The following DST variants were observed in gnomAD, a reference collection of about 807,000 sequenced individuals.
DST encodes dystonin, also known as bullous pemphigoid antigen.
In DST, 253 loss-of-function variants were observed where a neutral mutation model predicts 875.2. The observed-to-expected ratio is 0.29, with a 90% CI of 0.26 to 0.32. The LOEUF (loss-of-function observed/expected upper bound fraction) is 0.32, where lower values mean the gene tolerates loss of function less well. DST is among the 10% of genes least tolerant of loss of function. The pLI, the probability that DST is intolerant of heterozygous loss-of-function variation, is 1.00. For missense variants in DST, 8,287 were observed against 9,111.6 expected, an observed-to-expected ratio of 0.91 and a Z score of 3.68; for synonymous variants, 3,124 against 3,197.1, an observed-to-expected ratio of 0.98 and a Z score of 0.77.
In DST at chr6:56,809,174, T is replaced by C. The variant is rs2099756847; in HGVS notation, c.625+42223A>G. Among the ~76,000 whole-genome samples the C allele has an allele frequency of 3.9e-5, 6 of 152,172 alleles. 1 individual carries two copies. The highest frequency in any genetic ancestry group is 3.3e-4 in the Admixed American group (5 of 15,272). On this transcript the variant is annotated intron_variant, in intron 4 of 103. Coordinates refer to ENST00000680361, the MANE Select transcript of DST (RefSeq NM_001374736.1). ...CCCTGTGATCTGCTTCTTGGTGCTCTCCCTTAAGCCTCCAAGATACTACCG... is the reference window on the plus strand; with the variant it reads ...CCCTGTGATCTGCTTCTTGGTGCTCCCCCTTAAGCCTCCAAGATACTACCG...
At position 56,497,988 on chromosome 6, in the gene DST, A is replaced by T. The variant is rs779624477; in HGVS notation, c.19962T>A (p.Asp6654Glu). The T allele has an allele frequency of 1.2e-6, 2 of 1,613,430 alleles. No individual in the cohort carries two copies. The highest frequency in any genetic ancestry group is 1.7e-6 in the Non-Finnish European group (2 of 1,179,584). The change falls in exon 81 of 104, where the codon GAT becomes GAA. Residue 6654 changes from aspartate to glutamate, a missense_variant. Transcript: ENST00000680361. The stretch of plus-strand genomic sequence containing the variant: ...CTTCTCCTGCACTTGATTCAATTAG[A>T]TCATTTCCTGCTTTATTAACGGCTT... Reference protein sequence around the residue: ...TVEAVNKAGNDLIESSAGEEA... With the variant: ...TVEAVNKAGNELIESSAGEEA...
intron 90 of DST, among the ~76,000 whole-genome samples, chr6:56,481,658 C>T (rs1291637093): frequency 2.0e-5 from 3 of 152,146 alleles, no homozygotes; most frequent in Non-Finnish European, 4.4e-5. Flanking sequence ...TACTAATTTA[C>T]AATCCTACGG....
At chr6:56,668,184 T>C (rs979296307) in intron 10 of DST, among the ~76,000 whole-genome samples, 2 of 152,204 alleles carry the variant, frequency 1.3e-5, no homozygotes, top group African/African-American at 4.8e-5. Context: ...CCACAAAGAT[T>C]CTATCATTCC....
chr6:56,813,128 T>A (rs1338642501), intron 4 of DST, among the ~76,000 whole-genome samples: 1 of 149,476 alleles, frequency 6.7e-6, no homozygotes, highest in South Asian at 2.1e-4. Flanking sequence ...GTAAACTATC[T>A]CAAGAACAAA....
chr6:56,601,673 C>A lies in DST; in HGVS notation c.11311G>T (p.Val3771Leu), dbSNP rs1379877040. ...TTGGTATGTCCAAGGTCTTTTAATA[C>A]ATTCTGTTAAAAAAGTAGTACAAGC... ...VKKRLEFLKN[V>L]LKDLGHTKMQ... is the part of the protein sequence containing the mutation. The change falls in exon 44 of 104, where the codon GTA (valine) becomes TTA (leucine). Residue 3771 changes from valine to leucine, a missense_variant. Physicochemically the swap from Val to Leu is conservative, Grantham distance 32. This residue lies in a region of DST where 3,138 missense variants were observed against 3,116.6 expected (regional missense o/e 1.01). Coordinates refer to ENST00000680361, the MANE Select transcript of DST (RefSeq NM_001374736.1). 1.3e-6 allele frequency: 2 copies of A among 1,554,820 alleles called. No individual in the cohort carries two copies. The highest frequency in any genetic ancestry group is 3.8e-5 in the Admixed American group (2 of 52,240).
At chr6:56,463,914 T>G in intron 100 of DST, 150 bp from the exon 101 acceptor site, 3 of 840,312 alleles carry the variant, frequency 3.6e-6, no homozygotes, top group Non-Finnish European at 6.1e-6. Context: ...CAACTCAGCA[T>G]AACAAAAAGT....
At chr6:56,636,314 G>GTGTGTATATA (rs1383606604) in intron 23 of DST, among the ~76,000 whole-genome samples, 8 of 149,056 alleles carry the variant, frequency 5.4e-5, no homozygotes, top group African/African-American at 2.0e-4. Flanking sequence ...ATATAACAGT[G>GTGTGTATATA]TGTGTATATA....
intron 36 of DST, among the ~76,000 whole-genome samples, chr6:56,621,313 A>T (rs1014777684): frequency 2.6e-5 from 4 of 152,230 alleles, no homozygotes; most frequent in Non-Finnish European, 5.9e-5. Flanking sequence ...AAGAAGGAAA[A>T]TTATACAAAA....
At chr6:56,930,539 T>C (rs1463041803) in intron 2 of DST, among the ~76,000 whole-genome samples, 3 of 152,228 alleles carry the variant, frequency 2.0e-5, no homozygotes, top group Non-Finnish European at 4.4e-5. Flanking sequence ...ATTTCCAGAA[T>C]TCCATACAGT....
Position 56,578,031 on chromosome 6 carries a change from A to G in DST, c.13027+783T>C, listed in dbSNP as rs575385788. On this transcript the variant is annotated intron_variant, in intron 50 of 103. Coordinates refer to ENST00000680361, the MANE Select transcript of DST (RefSeq NM_001374736.1). Reference sequence around the variant, plus strand: ...AAGTCTTCCCACTTCTCTGTGTTCTAGAAGTTTTTTAGTGGCCTCACTCAA... The same window carrying G: ...AAGTCTTCCCACTTCTCTGTGTTCTGGAAGTTTTTTAGTGGCCTCACTCAA... Among the ~76,000 whole-genome samples the G allele has an allele frequency of 3.3e-5, 5 of 152,196 alleles. No homozygotes were observed. In the South Asian group the frequency reaches 8.3e-4, roughly 25 times the overall value.
At chr6:56,598,789 AGAGT>A (rs1470234535) in intron 45 of DST, 80 bp from the exon 46 acceptor site, 6 of 814,060 alleles carry the variant, frequency 7.4e-6, no homozygotes, top group African/African-American at 5.2e-5. Flanking sequence ...TCTAAAAGAC[AGAGT>A]GAGTACAGAG....
At chr6:56,535,402 T>A in intron 62 of DST, 110 bp from the exon 63 acceptor site, 1 of 1,304,680 alleles carries the variant, frequency 7.7e-7, no homozygotes, top group Non-Finnish European at 1.0e-6. Flanking sequence ...ACAAATTTTC[T>A]TTTACTTTTC....
chr6:56,716,862 A>G (rs2099396242), intron 5 of DST, among the ~76,000 whole-genome samples: 1 of 152,114 alleles, frequency 6.6e-6, no homozygotes, highest in Admixed American at 6.5e-5. Context: ...TTCACCTCAG[A>G]TCATCAGGTG....
At chr6:56,880,291 C>T (rs1345447034) in intron 3 of DST, among the ~76,000 whole-genome samples, 1 of 152,186 alleles carries the variant, frequency 6.6e-6, no homozygotes, top group East Asian at 1.9e-4. Flanking sequence ...AGTCTCTTTC[C>T]TCTAAAATGA....
At position 56,603,172 on chromosome 6, in the gene DST, T is replaced by C. The variant is rs148318668; in HGVS notation, c.11157+33A>G. On this transcript the variant is annotated intron_variant, in intron 42 of 103. Coordinates refer to ENST00000680361, the MANE Select transcript of DST (RefSeq NM_001374736.1). Reference sequence around the variant, plus strand: ...AAATCCTCAAATAATAAAATTTTCTTCATAAATCAAAATTTTGACATTTTA... The same window carrying C: ...AAATCCTCAAATAATAAAATTTTCTCCATAAATCAAAATTTTGACATTTTA... 4 of 1,564,474 alleles carry C rather than the reference T, an allele frequency of 2.6e-6. No homozygotes were observed. The African/African-American group carries it at 4.1e-5, about 16-fold the overall frequency.
At chr6:56,635,487 GA>G in intron 24 of DST, 101 bp downstream of exon 24, 1 of 1,180,162 alleles carries the variant, frequency 8.5e-7, no homozygotes, top group Non-Finnish European at 1.2e-6. Flanking sequence ...GAATTAGTGG[GA>G]AATATCAAGA....
Position 56,498,043 on chromosome 6 carries a change from T to A in DST, c.19907A>T (p.Asn6636Ile). 1 of 1,611,396 alleles carries A rather than the reference T, an allele frequency of 6.2e-7. No homozygotes were observed. The highest frequency in any genetic ancestry group is 1.3e-5 in the African/African-American group (1 of 74,956). ...TGTGGACTGATGGGCTAATACATCA[T>A]TTTGGAGCACCTGAAAATATAAAGA... ...IELAKHHVLQ[N>I]DVLAHQSTVE... Residue 6636 changes from asparagine to isoleucine, a missense_variant, in exon 81 of 104, where the codon AAT (asparagine) becomes ATT (isoleucine). Asn to Ile is a moderately radical substitution (Grantham distance 149). Transcript: ENST00000680361.
chr6:56,861,561 C>T (rs1771173030), intron 3 of DST, among the ~76,000 whole-genome samples: 1 of 152,194 alleles, frequency 6.6e-6, no homozygotes, highest in African/African-American at 2.4e-5. Flanking sequence ...TGAGATCCAT[C>T]TGGAACAACT....
At chr6:56,902,348 T>A (rs547942662) in intron 2 of DST, among the ~76,000 whole-genome samples, 29 of 152,212 alleles carry the variant, frequency 1.9e-4, no homozygotes, top group Non-Finnish European at 4.3e-4. Context: ...GGAGTAAGAA[T>A]TTCAGAGAGA....
Sources: allele counts gnomAD v4.1 joint callset (sites outside exome capture counted in the v4.1 genomes callset), GRCh38; gene constraint gnomAD v4.1.1; regional missense constraint gnomAD v4.1.1; transcripts MANE v1.5; gene names NCBI Gene and HGNC (gene_info 2026-07-23, HGNC 2026-07-21).